TENT2: variants seen among roughly 807,000 people sequenced by gnomAD.
TENT2 encodes poly(A) RNA polymerase GLD2.
TENT2 carries 44 observed loss-of-function variants against 72.2 expected under a neutral mutation model. The ratio of observed to expected loss-of-function variants is 0.61; its 90% CI spans 0.48 to 0.78. The LOEUF (loss-of-function observed/expected upper bound fraction) is 0.78, where lower values mean the gene tolerates loss of function less well. Ranked by LOEUF, TENT2 falls within the 30% of genes least tolerant of loss-of-function variation. The pLI, the probability that TENT2 is intolerant of heterozygous loss-of-function variation, is 0.00. For missense variants in TENT2, 541 were observed against 569.6 expected, an observed-to-expected ratio of 0.95 and a Z score of 0.51; for synonymous variants, 212 against 192.5, an observed-to-expected ratio of 1.10 and a Z score of -0.84.
chr5:79,623,085 G>T (rs1406441612), intron 3 of TENT2, among the ~76,000 whole-genome samples, 167 bp from the exon 4 acceptor site: 1 of 151,784 alleles, frequency 6.6e-6, no homozygotes, highest in East Asian at 1.9e-4. Context: ...GGCATTTCTT[G>T]TGCTGAACAT....
At chr5:79,675,909 CTAGCA>C (rs2150824582) in intron 12 of TENT2, among the ~76,000 whole-genome samples, 1 of 152,130 alleles carries the variant, frequency 6.6e-6, no homozygotes, top group South Asian at 2.1e-4. Context: ...GGTGTGTACT[CTAGCA>C]TTAGAAGATT....
At chr5:79,645,045 T>G in intron 7 of TENT2, 78 bp from the exon 8 acceptor site, 1 of 1,156,540 alleles carries the variant, frequency 8.6e-7, no homozygotes, top group Non-Finnish European at 1.2e-6. Flanking sequence ...GTAAATACTA[T>G]TTTTTAAAAA....
At chr5:79,633,182 T>A (rs1243819719) in intron 4 of TENT2, among the ~76,000 whole-genome samples, 1 of 152,200 alleles carries the variant, frequency 6.6e-6, no homozygotes, top group African/African-American at 2.4e-5. Context: ...GGCTTTATTT[T>A]CCTCAGAAAA....
chr5:79,644,687 A>T (rs1787354342), intron 7 of TENT2: 1 of 152,802 alleles, frequency 6.5e-6, no homozygotes, highest in Non-Finnish European at 1.5e-5. Context: ...TGTATTTTTC[A>T]CTCATAGAGA....
intron 4 of TENT2, among the ~76,000 whole-genome samples, chr5:79,636,900 A>G (rs1340730898): frequency 6.6e-6 from 1 of 152,162 alleles, no homozygotes; most frequent in Non-Finnish European, 1.5e-5. Flanking sequence ...GATAGTATGT[A>G]TGCTTTAAGT....
chr5:79,640,115 G>A (rs1014319356), intron 4 of TENT2, among the ~76,000 whole-genome samples: 101 of 152,158 alleles, frequency 6.6e-4, no homozygotes, highest in Middle Eastern at 3.2e-3. Context: ...AATTAGCTGG[G>A]TGTGGTGGCA....
chr5:79,664,868 C>A (rs191358096), intron 11 of TENT2, among the ~76,000 whole-genome samples: 1 of 152,134 alleles, frequency 6.6e-6, no homozygotes, highest in East Asian at 1.9e-4. Context: ...AGCTGAGGAA[C>A]GCTAAGTAAC....
intron 12 of TENT2, among the ~76,000 whole-genome samples, chr5:79,670,335 A>ATTTT (rs1357357496): frequency 4.0e-5 from 6 of 151,418 alleles, no homozygotes; most frequent in African/African-American, 1.2e-4. Flanking sequence ...TTATTTATTT[A>ATTTT]TTTTTTTGAG....
rs775482049 is a variant in TENT2 at position 79,648,671 on chromosome 5, C to G, written c.876C>G (p.Phe292Leu). 1 of 1,597,178 alleles carries G rather than the reference C, an allele frequency of 6.3e-7. No individual in the cohort carries two copies. The highest frequency in any genetic ancestry group is 2.2e-5 in the East Asian group (1 of 44,506). ...ATATTGTTGGAATAAGAAACACATT[C>G]CTTCTCAGAACTTATGCATACCGTA... Reference protein sequence around the residue: ...VNNIVGIRNTFLLRTYAYLEN... With the variant: ...VNNIVGIRNTLLLRTYAYLEN... Residue 292 changes from phenylalanine to leucine, a missense_variant, in exon 9 of 15, where the codon TTC becomes TTG. Physicochemically the swap from Phe to Leu is conservative, Grantham distance 22 (BLOSUM62 0). Coordinates refer to ENST00000453514, the MANE Select transcript of TENT2 (RefSeq NM_001114394.3).
intron 12 of TENT2, among the ~76,000 whole-genome samples, chr5:79,679,286 A>G (rs537556399): frequency 6.6e-6 from 1 of 152,306 alleles, no homozygotes; most frequent in Non-Finnish European, 1.5e-5. Context: ...ACCTAGGTGA[A>G]GAGTGAAAAA....
At chr5:79,614,207 G>T (rs1464715938) in intron 1 of TENT2, 1 of 144,784 alleles carries the variant, frequency 6.9e-6, no homozygotes, top group South Asian at 2.2e-4. Context: ...GGGTTCAAGC[G>T]ATCTCCTGCC....
chr5:79,675,597 A>G (rs1337225686), intron 12 of TENT2, among the ~76,000 whole-genome samples: 2 of 152,190 alleles, frequency 1.3e-5, no homozygotes, highest in African/African-American at 4.8e-5. Context: ...CTCTCCACCC[A>G]TGTTCAGCTG....
chr5:79,670,378 G>A (rs1483246391), intron 12 of TENT2, among the ~76,000 whole-genome samples: 1 of 151,868 alleles, frequency 6.6e-6, no homozygotes, highest in Non-Finnish European at 1.5e-5. Flanking sequence ...AGGCTGGAGT[G>A]CAGTGGCGTG....
chr5:79,657,091 G>A, intron 11 of TENT2, 90 bp downstream of exon 11: 2 of 833,750 alleles, frequency 2.4e-6, no homozygotes, highest in South Asian at 1.7e-5. Flanking sequence ...TATAAAAGTA[G>A]TAAGGCTAAG....
At chr5:79,636,973 T>C (rs1056882540) in intron 4 of TENT2, among the ~76,000 whole-genome samples, 2 of 152,190 alleles carry the variant, frequency 1.3e-5, no homozygotes, top group African/African-American at 4.8e-5. Flanking sequence ...TTATATTATG[T>C]TAAAAATATT....
chr5:79,673,711 C>T (rs1814880235), intron 12 of TENT2, among the ~76,000 whole-genome samples: 1 of 151,936 alleles, frequency 6.6e-6, no homozygotes, highest in Non-Finnish European at 1.5e-5. Flanking sequence ...ATTTGTTTAT[C>T]ATTTTAAGAT....
intron 10 of TENT2, among the ~76,000 whole-genome samples, chr5:79,656,338 T>C (rs1797966279): frequency 6.6e-6 from 1 of 151,964 alleles, no homozygotes; most frequent in African/African-American, 2.4e-5. Flanking sequence ...ATTTTATTAA[T>C]AGCAGATTGT....
intron 11 of TENT2, among the ~76,000 whole-genome samples, chr5:79,668,252 A>G (rs1390393505): frequency 6.6e-6 from 1 of 152,030 alleles, no homozygotes; most frequent in East Asian, 1.9e-4. Flanking sequence ...ATATTATGGT[A>G]AAAGCTTGCT....
intron 1 of TENT2, among the ~76,000 whole-genome samples, chr5:79,616,189 A>ATTTTTTT (rs1229523040): frequency 1.1e-5 from 1 of 88,130 alleles, no homozygotes; most frequent in Non-Finnish European, 2.1e-5. Context: ...ACCCGGCCTA[A>ATTTTTTT]TTTTTTTTTT....
Sources: allele counts gnomAD v4.1 joint callset (sites outside exome capture counted in the v4.1 genomes callset), GRCh38; gene constraint gnomAD v4.1.1; transcripts MANE v1.5; gene names NCBI Gene and HGNC (gene_info 2026-07-23, HGNC 2026-07-21).